Variants in SNTG1 observed in about 807,000 individuals in gnomAD.
The protein encoded by SNTG1 is syntrophin gamma 1.
Under a neutral mutation model 74.7 loss-of-function variants are expected in SNTG1, and 39 were observed. That is an observed-to-expected ratio of 0.52 (90% CI 0.40 to 0.68). The LOEUF is 0.68. Ranked by LOEUF, SNTG1 falls within the 30% of genes least tolerant of loss-of-function variation. The pLI is 0.00. For missense variants in SNTG1, 685 were observed against 609.5 expected (o/e 1.12, Z -1.30); for synonymous variants, 254 against 217.1 (o/e 1.17, Z -1.49).
chr8:50,420,877 T>A (rs1164848238), intron 4 of SNTG1, among the ~76,000 whole-genome samples: 1 of 151,314 alleles, frequency 6.6e-6, no homozygotes, highest in Non-Finnish European at 1.5e-5. Flanking sequence ...ATACAAAAAT[T>A]AGCTTTGTGT....
chr8:50,311,325 GGTTATGTTCCGTTGTAGACA>G (rs1287927681), intron 2 of SNTG1, among the ~76,000 whole-genome samples: 1 of 152,124 alleles, frequency 6.6e-6, no homozygotes, highest in African/African-American at 2.4e-5. Context: ...CTTTAGGAAA[GGTTATGTTCCGTTGTAGACA>G]GCAATATGTG....
At chr8:50,469,117 C>T (rs1201471085) in intron 8 of SNTG1, among the ~76,000 whole-genome samples, 1 of 151,882 alleles carries the variant, frequency 6.6e-6, no homozygotes, top group Non-Finnish European at 1.5e-5. Flanking sequence ...GAGCTTCAGA[C>T]TTGTGTCATT....
chr8:50,665,951 C>T (rs969594113), intron 15 of SNTG1, among the ~76,000 whole-genome samples: 3 of 152,064 alleles, frequency 2.0e-5, no homozygotes, highest in African/African-American at 7.2e-5. Flanking sequence ...ACAGCATTGC[C>T]TTAACAAATT....
intron 1 of SNTG1, among the ~76,000 whole-genome samples, chr8:49,983,162 G>C (rs1360761750): frequency 2.0e-5 from 3 of 152,146 alleles, no homozygotes; most frequent in Non-Finnish European, 4.4e-5. Context: ...TTTGATGCTT[G>C]ACAACTTGTC....
chr8:50,248,749 G>C (rs938705078), intron 2 of SNTG1, among the ~76,000 whole-genome samples: 1 of 152,172 alleles, frequency 6.6e-6, no homozygotes, highest in Non-Finnish European at 1.5e-5. Flanking sequence ...AAAGTAATTA[G>C]AGAGATAGAA....
chr8:49,976,997 G>T (rs780927199), intron 1 of SNTG1, among the ~76,000 whole-genome samples: 9 of 152,004 alleles, frequency 5.9e-5, no homozygotes, highest in Non-Finnish European at 1.3e-4. Flanking sequence ...AAGTGCTTGT[G>T]AGAAAAAAAT....
intron 4 of SNTG1, among the ~76,000 whole-genome samples, chr8:50,411,562 T>TAG: frequency 6.6e-6 from 1 of 152,220 alleles, no homozygotes; most frequent in South Asian, 2.1e-4. Flanking sequence ...AAGTACTGTT[T>TAG]AGAGAGTTGT....
chr8:50,312,845 A>G (rs1318835638), intron 2 of SNTG1, among the ~76,000 whole-genome samples: 1 of 150,126 alleles, frequency 6.7e-6, no homozygotes, highest in East Asian at 2.0e-4. Flanking sequence ...ATATAATAAA[A>G]TATAACTATC....
intron 1 of SNTG1, among the ~76,000 whole-genome samples, chr8:49,978,442 G>T (rs1413513947): frequency 6.6e-6 from 1 of 152,198 alleles, no homozygotes; most frequent in Non-Finnish European, 1.5e-5. Context: ...ACTTAACAGA[G>T]AAATGTCTTG....
intron 1 of SNTG1, among the ~76,000 whole-genome samples, chr8:50,009,486 G>A (rs1312388170): frequency 6.6e-6 from 1 of 152,044 alleles, no homozygotes; most frequent in Non-Finnish European, 1.5e-5. Flanking sequence ...TAAGCATTAG[G>A]CTAAGCATTT....
At chr8:50,446,109 A>G (rs900684475) in intron 5 of SNTG1, among the ~76,000 whole-genome samples, 1 of 152,102 alleles carries the variant, frequency 6.6e-6, no homozygotes, top group African/African-American at 2.4e-5. Context: ...TTATTATTCA[A>G]CTGTCATGGA....
intron 1 of SNTG1, among the ~76,000 whole-genome samples, chr8:50,107,280 T>C (rs1266722056): frequency 6.6e-6 from 1 of 152,192 alleles, no homozygotes; most frequent in African/African-American, 2.4e-5. Flanking sequence ...TATGGACCTT[T>C]TCCCCATCCT....
chr8:50,421,587 C>A (rs1222200592), intron 4 of SNTG1, among the ~76,000 whole-genome samples: 1 of 152,086 alleles, frequency 6.6e-6, no homozygotes. Flanking sequence ...ACTAAGAATG[C>A]CTTAACCTCC....
intron 1 of SNTG1, among the ~76,000 whole-genome samples, chr8:49,990,493 G>A (rs544133643): frequency 3.0e-4 from 45 of 151,974 alleles, no homozygotes; most frequent in Non-Finnish European, 3.1e-4. Context: ...AAAGAACAAT[G>A]TTAGAGGCCT....
chr8:50,426,400 G>A (rs769424569), intron 4 of SNTG1, among the ~76,000 whole-genome samples: 2 of 151,750 alleles, frequency 1.3e-5, no homozygotes, highest in Admixed American at 6.6e-5. Flanking sequence ...CCCTGTGTAG[G>A]CCTAGGCTAA....
intron 2 of SNTG1, among the ~76,000 whole-genome samples, chr8:50,222,277 A>G (rs1015225439): frequency 3.3e-5 from 5 of 152,172 alleles, no homozygotes; most frequent in African/African-American, 9.7e-5. Context: ...TTAGATTTAT[A>G]AAGGCAGTAT....
intron 13 of SNTG1, among the ~76,000 whole-genome samples, chr8:50,602,230 A>G (rs1345015994): frequency 6.7e-6 from 1 of 150,260 alleles, no homozygotes; most frequent in Non-Finnish European, 1.5e-5. Context: ...AGTTAACATG[A>G]TTTTATCTGG....
chr8:49,981,987 A>G (rs1232848391), intron 1 of SNTG1, among the ~76,000 whole-genome samples: 1 of 152,132 alleles, frequency 6.6e-6, no homozygotes, highest in Admixed American at 6.5e-5. Flanking sequence ...CCTTCTTAAA[A>G]AAATAACTAA....
intron 13 of SNTG1, among the ~76,000 whole-genome samples, chr8:50,639,104 A>G (rs2095056455): frequency 6.6e-6 from 1 of 152,054 alleles, no homozygotes; most frequent in South Asian, 2.1e-4. Flanking sequence ...AGAAGGAGAC[A>G]TTATTTACAC....
Sources: allele counts gnomAD v4.1 joint callset (sites outside exome capture counted in the v4.1 genomes callset), GRCh38; gene constraint gnomAD v4.1.1; transcripts MANE v1.5; gene names NCBI Gene and HGNC (gene_info 2026-07-23, HGNC 2026-07-21).